JAM3: variants seen among roughly 807,000 people sequenced by gnomAD.
JAM3 encodes the protein junctional adhesion molecule 3.
JAM3 carries 31 observed loss-of-function variants against 39.4 expected under a neutral mutation model. The observed-to-expected ratio is 0.79, with a 90% CI of 0.59 to 1.06. The LOEUF is 1.06. JAM3 is among the 50% of genes least tolerant of loss of function. JAM3 has a pLI of 0.00. For missense variants in JAM3, 455 were observed against 391.4 expected (o/e 1.16, Z -1.37); for synonymous variants, 182 against 148.7 (o/e 1.22, Z -1.63).
At chr11:134,084,391 A>G (rs1177711262) in intron 1 of JAM3, among the ~76,000 whole-genome samples, 1 of 152,260 alleles carries the variant, frequency 6.6e-6, no homozygotes, top group African/African-American at 2.4e-5. Context: ...TATCTATAAA[A>G]GAGTAGTAAT....
intron 1 of JAM3, among the ~76,000 whole-genome samples, chr11:134,099,345 A>G (rs1253776712): frequency 6.6e-6 from 1 of 152,204 alleles, no homozygotes; most frequent in East Asian, 1.9e-4. Context: ...GAGTTGTCCC[A>G]ACAAGTTGGG....
Position 134,139,379 on chromosome 11 carries a change from C to T in JAM3, c.77-472C>T, listed in dbSNP as rs531767988. On this transcript the variant is annotated intron_variant, in intron 1 of 8. Coordinates refer to ENST00000299106, the MANE Select transcript of JAM3 (RefSeq NM_032801.5). ...GGTGGACTCCTAGCTGGTTGATAAC[C>T]ATACCCAGAGAGTGTTGATGCCGTC... Among the ~76,000 whole-genome samples, 166 of 152,326 alleles carry T rather than the reference C, an allele frequency of 1.1e-3. 2 individuals carry two copies. The highest frequency in any genetic ancestry group is 3.8e-3 in the African/African-American group (158 of 41,562).
chr11:134,137,600 G>C (rs898840714), intron 1 of JAM3, among the ~76,000 whole-genome samples: 2 of 152,152 alleles, frequency 1.3e-5, no homozygotes, highest in African/African-American at 2.4e-5. Context: ...CCTCGTCGAA[G>C]TCATGGTGCT....
At chr11:134,118,713 A>T (rs896044723) in intron 1 of JAM3, among the ~76,000 whole-genome samples, 1 of 152,186 alleles carries the variant, frequency 6.6e-6, no homozygotes, top group Non-Finnish European at 1.5e-5. Context: ...GAAAGTGTAT[A>T]TAAGACCCAG....
intron 1 of JAM3, among the ~76,000 whole-genome samples, chr11:134,084,455 C>G (rs1326036607): frequency 6.6e-6 from 1 of 152,176 alleles, no homozygotes; most frequent in East Asian, 1.9e-4. Context: ...ATATATAAAG[C>G]TCCTATCAAA....
chr11:134,091,286 G>A (rs556182374), intron 1 of JAM3, among the ~76,000 whole-genome samples: 40 of 152,158 alleles, frequency 2.6e-4, no homozygotes, highest in African/African-American at 9.6e-4. Context: ...ATGAGGTCAG[G>A]AGATTGAGAC....
intron 1 of JAM3, among the ~76,000 whole-genome samples, chr11:134,135,073 C>T (rs1001053945): frequency 1.3e-5 from 2 of 152,002 alleles, no homozygotes; most frequent in African/African-American, 4.8e-5. Context: ...ATTGCCTAAC[C>T]CAGTGTCATG....
intron 1 of JAM3, among the ~76,000 whole-genome samples, chr11:134,132,235 T>C (rs1942783213): frequency 6.6e-6 from 1 of 152,212 alleles, no homozygotes; most frequent in African/African-American, 2.4e-5. Context: ...GCTGAATTTT[T>C]ACCAGAAACC....
rs1034747170 is a variant in JAM3 at position 134,148,407 on chromosome 11, C to T, written c.713-140C>T. ...CTAGGCTAGAAGGATTGTAAGTGTT[C>T]TCTCTTCTAGCTGGGGTAGGCCTGA... On this transcript the variant is annotated intron_variant, in intron 6 of 8. Coordinates refer to ENST00000299106, the MANE Select transcript of JAM3 (RefSeq NM_032801.5). The T allele has an allele frequency of 6.4e-6, 6 of 938,012 alleles. No homozygotes were observed. The Admixed American group carries it at 9.2e-5, about 14-fold the overall frequency. 58.1% of individuals were successfully genotyped at this position (938,012 alleles called of 1,614,324 possible).
intron 1 of JAM3, among the ~76,000 whole-genome samples, chr11:134,090,325 C>A (rs549729050): frequency 6.6e-6 from 1 of 152,292 alleles, no homozygotes; most frequent in South Asian, 2.1e-4. Flanking sequence ...TCCCATTTGT[C>A]AATTTTAGCT....
Position 134,151,034 on chromosome 11 carries a change from A to T in JAM3, c.*1853A>T, listed in dbSNP as rs1343007464. ...GTGTTCTTCAAGAGCAGGTGTTCTC[A>T]GCCTCACATGCCCTGCCGTGCTGGA... On this transcript the variant is annotated 3_prime_UTR_variant, in exon 9 of 9. Transcript: ENST00000299106. 6.6e-6 allele frequency: 1 copy of T among 152,284 alleles called. No individual in the cohort carries two copies. The highest frequency in any genetic ancestry group is 1.5e-5 in the Non-Finnish European group (1 of 68,072). The allele number at this position is 152,284 out of a possible 1,614,324, so 9.4% of individuals were successfully genotyped here. A position where few individuals can be genotyped will look rare whatever the true frequency, so the allele number is the denominator to read the frequency against.
intron 1 of JAM3, among the ~76,000 whole-genome samples, chr11:134,118,853 T>C (rs1163969956): frequency 6.6e-6 from 1 of 152,220 alleles, no homozygotes; most frequent in Non-Finnish European, 1.5e-5. Context: ...GCGGGGTTGG[T>C]TAACGGTCTT....
At chr11:134,112,532 CGAT>C (rs1242231093) in intron 1 of JAM3, among the ~76,000 whole-genome samples, 1 of 152,084 alleles carries the variant, frequency 6.6e-6, no homozygotes, top group Non-Finnish European at 1.5e-5. Context: ...TAATTATGTA[CGAT>C]GACACACACA....
intron 1 of JAM3, among the ~76,000 whole-genome samples, chr11:134,104,469 A>C (rs536606640): frequency 2.6e-5 from 4 of 152,258 alleles, no homozygotes; most frequent in African/African-American, 7.2e-5. Flanking sequence ...AGAGAAAACA[A>C]ATTCAAAAGC....
intron 1 of JAM3, among the ~76,000 whole-genome samples, chr11:134,106,736 C>T (rs1490886920): frequency 6.6e-6 from 1 of 152,218 alleles, no homozygotes; most frequent in Non-Finnish European, 1.5e-5. Flanking sequence ...AAGAAATGCT[C>T]ATCATCACTG....
chr11:134,072,064 G>A (rs951305468), intron 1 of JAM3, among the ~76,000 whole-genome samples: 1 of 152,144 alleles, frequency 6.6e-6, no homozygotes, highest in Non-Finnish European at 1.5e-5. Context: ...CATGGGGTGG[G>A]TTTAAATCAG....
intron 1 of JAM3, among the ~76,000 whole-genome samples, chr11:134,101,736 T>TA (rs1942077218): frequency 6.6e-6 from 1 of 152,198 alleles, no homozygotes; most frequent in Non-Finnish European, 1.5e-5. Flanking sequence ...CTCCAGTTTT[T>TA]ATCGAGTGCT....
intron 3 of JAM3, among the ~76,000 whole-genome samples, chr11:134,141,158 A>T (rs1373088135): frequency 6.6e-6 from 1 of 152,066 alleles, no homozygotes; most frequent in Non-Finnish European, 1.5e-5. Flanking sequence ...AAATGGACTG[A>T]GCCACCCACT....
chr11:134,145,494 T>A (rs957968852), intron 5 of JAM3: 5 of 326,752 alleles, frequency 1.5e-5, no homozygotes, highest in Non-Finnish European at 2.9e-5. Context: ...AACAGATTGG[T>A]CATGCACTAG....
Sources: allele counts gnomAD v4.1 joint callset (sites outside exome capture counted in the v4.1 genomes callset), GRCh38; gene constraint gnomAD v4.1.1; transcripts MANE v1.5; gene names NCBI Gene and HGNC (gene_info 2026-07-23, HGNC 2026-07-21).